Variants in EML4 observed in about 807,000 individuals in gnomAD.
EML4 encodes EMAP like 4, also known as echinoderm microtubule-associated protein-like 4.
A neutral mutation model predicts 129.0 loss-of-function variants in EML4; 72 were observed. That is an observed-to-expected ratio of 0.56 (90% CI 0.46 to 0.68). The LOEUF (loss-of-function observed/expected upper bound fraction) is 0.68, where lower values mean the gene tolerates loss of function less well. Ranked by LOEUF, EML4 falls within the 30% of genes least tolerant of loss-of-function variation. The pLI, the probability that EML4 is intolerant of heterozygous loss-of-function variation, is 0.00. For missense variants in EML4, 1,363 were observed against 1,190.6 expected, an observed-to-expected ratio of 1.14 and a Z score of -2.13; for synonymous variants, 532 against 405.0, an observed-to-expected ratio of 1.31 and a Z score of -3.77.
intron 7 of EML4, 70 bp downstream of exon 7, chr2:42,281,043 T>C: frequency 3.2e-6 from 4 of 1,232,690 alleles, no homozygotes; most frequent in Non-Finnish European, 4.4e-6. Flanking sequence ...TAACGTATTC[T>C]CTGTCAAAAT....
chr2:42,320,051 T>C (rs990652652), intron 19 of EML4: 15 of 152,202 alleles, frequency 9.9e-5, no homozygotes, highest in African/African-American at 2.7e-4. Context: ...ACAGTAGCTC[T>C]CTTTATGTGG....
intron 14 of EML4, 89 bp downstream of exon 14, chr2:42,301,481 A>G: frequency 9.7e-7 from 1 of 1,026,808 alleles, no homozygotes; most frequent in Non-Finnish European, 1.3e-6. Flanking sequence ...TTTTCTGGCA[A>G]ACTTATTAAA....
At chr2:42,203,970 G>A (rs1358498460) in intron 1 of EML4, among the ~76,000 whole-genome samples, 2 of 152,028 alleles carry the variant, frequency 1.3e-5, no homozygotes, top group African/African-American at 4.8e-5. Flanking sequence ...GCCCAGGCTA[G>A]GGTGCAGTGA....
chr2:42,196,255 T>C (rs1018845075), intron 1 of EML4, among the ~76,000 whole-genome samples: 16 of 151,422 alleles, frequency 1.1e-4, no homozygotes, highest in Non-Finnish European at 2.4e-4. Flanking sequence ...GATAAAAATA[T>C]TTACCTTGCA....
chr2:42,202,127 G>A (rs1295156412), intron 1 of EML4, among the ~76,000 whole-genome samples: 3 of 152,120 alleles, frequency 2.0e-5, no homozygotes, highest in African/African-American at 4.8e-5. Context: ...AGTTGCCGGG[G>A]GCTTGGAGGG....
intron 11 of EML4, among the ~76,000 whole-genome samples, chr2:42,293,652 C>G (rs761013611): frequency 2.0e-5 from 3 of 152,202 alleles, no homozygotes; most frequent in Admixed American, 6.5e-5. Context: ...CACTCTGTCA[C>G]CCAGGCTGGA....
At chr2:42,293,889 G>A (rs1163196828) in intron 11 of EML4, among the ~76,000 whole-genome samples, 2 of 152,334 alleles carry the variant, frequency 1.3e-5, no homozygotes, top group Non-Finnish European at 2.9e-5. Context: ...GATTACAGGC[G>A]TGAGCCACCA....
Position 42,317,420 on chromosome 2 carries a change from A to T in EML4, c.2057-7A>T. The T allele has an allele frequency of 1.3e-6, 2 of 1,582,226 alleles. No homozygotes were observed. Among genetic ancestry groups the T allele is most frequent in the Non-Finnish European group, 1.7e-6 (2 of 1,154,906 alleles). On this transcript the variant is annotated splice_polypyrimidine_tract_variant and splice_region_variant and intron_variant, in intron 18 of 22. Transcript: ENST00000318522. ...TCTCTAGTCAACACTGACCTATTTT[A>T]TTCTAGATGGTACCTTCCTGGCTGT...
At chr2:42,171,826 G>A (rs1010139565) in intron 1 of EML4, among the ~76,000 whole-genome samples, 2 of 152,192 alleles carry the variant, frequency 1.3e-5, no homozygotes, top group African/African-American at 2.4e-5. Flanking sequence ...CCTTGCAAGA[G>A]TAAAACTAGG....
chr2:42,211,029 C>T (rs757012109), intron 1 of EML4, among the ~76,000 whole-genome samples: 6 of 152,198 alleles, frequency 3.9e-5, no homozygotes, highest in African/African-American at 1.2e-4. Flanking sequence ...ATGTAATCTT[C>T]TGTCTCTTAC....
At chr2:42,229,634 G>T (rs1558521354) in intron 1 of EML4, among the ~76,000 whole-genome samples, 1 of 152,110 alleles carries the variant, frequency 6.6e-6, no homozygotes, top group Non-Finnish European at 1.5e-5. Context: ...TTTGTCAGAG[G>T]AATCAGGGAG....
intron 1 of EML4, among the ~76,000 whole-genome samples, chr2:42,216,045 A>C (rs748582952): frequency 6.6e-6 from 1 of 150,910 alleles, no homozygotes; most frequent in African/African-American, 2.4e-5. Context: ...TCAGCCTCTT[A>C]AGTAGCTGAG....
rs572538817 is a variant in EML4 at position 42,176,426 on chromosome 2, T to C, written c.25+6790T>C. On this transcript the variant is annotated intron_variant, in intron 1 of 22. Coordinates refer to ENST00000318522, the MANE Select transcript of EML4 (RefSeq NM_019063.5). ...TATTCACCCTCTCAGATTGCTTCAT[T>C]GCTTTAATGACTACATTCAAACATC... is the stretch of plus-strand genomic sequence containing the variant. Among the ~76,000 whole-genome samples, 8 of 152,344 alleles carry C rather than the reference T, an allele frequency of 5.3e-5. 1 individual carries two copies. Among genetic ancestry groups the C allele is most frequent in the Admixed American group, 5.2e-4 (8 of 15,310 alleles).
chr2:42,326,751 G>A lies in EML4; in HGVS notation c.2341+499G>A, dbSNP rs143977839. ...ACAAAAATTAGCTGGGCGTGGTGAC[G>A]TGCACCTGTAATCCCAGTTACGTGG... On this transcript the variant is annotated intron_variant, in intron 21 of 22. Transcript: ENST00000318522. 5.3e-4 allele frequency among the ~76,000 whole-genome samples: 80 copies of A among 152,212 alleles called. No homozygotes were observed. The East Asian group carries it at 0.012, about 23-fold the overall frequency.
At chr2:42,316,673 C>G (rs371487774) in intron 18 of EML4, among the ~76,000 whole-genome samples, 4 of 152,288 alleles carry the variant, frequency 2.6e-5, no homozygotes, top group Admixed American at 2.6e-4. Context: ...ACCACTCTTC[C>G]CTGGAGTTAG....
chr2:42,292,889 C>G (rs1212687062), intron 11 of EML4, among the ~76,000 whole-genome samples: 2 of 152,074 alleles, frequency 1.3e-5, no homozygotes, highest in African/African-American at 2.4e-5. Context: ...GATGGGTATG[C>G]TGGGAATATT....
chr2:42,303,722 G>A (rs891873541), intron 16 of EML4, among the ~76,000 whole-genome samples: 7 of 152,118 alleles, frequency 4.6e-5, no homozygotes, highest in Admixed American at 2.0e-4. Flanking sequence ...TCAGGAGATC[G>A]AGACCATCCT....
intron 1 of EML4, among the ~76,000 whole-genome samples, chr2:42,240,471 A>G (rs1674951908): frequency 6.6e-6 from 1 of 152,062 alleles, no homozygotes; most frequent in Non-Finnish European, 1.5e-5. Flanking sequence ...ATTTTTTAAA[A>G]GTGTGTTTTG....
chr2:42,223,699 T>C (rs1447490474), intron 1 of EML4, among the ~76,000 whole-genome samples: 1 of 152,170 alleles, frequency 6.6e-6, no homozygotes, highest in Non-Finnish European at 1.5e-5. Flanking sequence ...AAAACACATC[T>C]AGATACTGTA....
Sources: allele counts gnomAD v4.1 joint callset (sites outside exome capture counted in the v4.1 genomes callset), GRCh38; gene constraint gnomAD v4.1.1; transcripts MANE v1.5; gene names NCBI Gene and HGNC (gene_info 2026-07-23, HGNC 2026-07-21).